Variants in SAMMSON observed in about 807,000 individuals in gnomAD.
SAMMSON encodes long intergenic non-protein coding RNA 1212.
chr3:70,211,210 C>T (rs1439172050), intron 4 of SAMMSON, among the ~76,000 whole-genome samples: 1 of 151,502 alleles, frequency 6.6e-6, no homozygotes, highest in African/African-American at 2.4e-5. Context: ...TTTCCCCCTT[C>T]CTTTCACTTC....
intron 4 of SAMMSON, chr3:70,140,129 C>A: frequency 6.5e-6 from 1 of 154,566 alleles, no homozygotes. Flanking sequence ...TAAAACTTTC[C>A]TCAGCTGATA....
chr3:70,200,277 C>CAGAGATGG (rs1701225010), intron 4 of SAMMSON, among the ~76,000 whole-genome samples: 1 of 152,144 alleles, frequency 6.6e-6, no homozygotes. Context: ...ATTTTTAATT[C>CAGAGATGG]TAAATTTAAA....
intron 4 of SAMMSON, among the ~76,000 whole-genome samples, chr3:70,191,572 A>T (rs1483832858): frequency 1.3e-5 from 2 of 152,242 alleles, no homozygotes; most frequent in African/African-American, 4.8e-5. Flanking sequence ...TTTATTACTT[A>T]TTGGGTACGT....
intron 4 of SAMMSON, among the ~76,000 whole-genome samples, chr3:70,204,045 A>T (rs1701267726): frequency 6.6e-6 from 1 of 152,200 alleles, no homozygotes; most frequent in Non-Finnish European, 1.5e-5. Flanking sequence ...CAGAGCACAC[A>T]CCATGAACTG....
intron 3 of SAMMSON, among the ~76,000 whole-genome samples, chr3:70,050,695 A>G (rs1318355406): frequency 6.6e-6 from 1 of 152,078 alleles, no homozygotes; most frequent in African/African-American, 2.4e-5. Flanking sequence ...CTGAATGATA[A>G]TTCAGTGATC....
chr3:70,290,730 C>A (rs1702228585), intron 6 of SAMMSON, among the ~76,000 whole-genome samples: 1 of 152,146 alleles, frequency 6.6e-6, no homozygotes, highest in Non-Finnish European at 1.5e-5. Flanking sequence ...GGCGTAGGAC[C>A]CTCCGAGCCA....
intron 7 of SAMMSON, among the ~76,000 whole-genome samples, chr3:70,326,044 G>T (rs1055238156): frequency 5.3e-5 from 8 of 152,034 alleles, no homozygotes; most frequent in Non-Finnish European, 1.2e-4. Context: ...TTTTATTTCA[G>T]TCAAAGCCTG....
intron 4 of SAMMSON, chr3:70,205,721 G>A (rs977215962): frequency 2.0e-5 from 3 of 152,050 alleles, no homozygotes; most frequent in Non-Finnish European, 4.4e-5. Flanking sequence ...GTTATTCAAA[G>A]TTTATTTAAT....
chr3:70,000,097 T>G (rs371673706), intron 1 of SAMMSON, among the ~76,000 whole-genome samples: 2 of 152,112 alleles, frequency 1.3e-5, no homozygotes, highest in African/African-American at 2.4e-5. Context: ...GAGGGTCCAA[T>G]TGAGCTAACA....
At chr3:70,335,989 G>A (rs554799208) in intron 7 of SAMMSON, among the ~76,000 whole-genome samples, 51 of 152,038 alleles carry the variant, frequency 3.4e-4, no homozygotes, top group African/African-American at 1.2e-3. Flanking sequence ...ATTTCAGGCT[G>A]AAGTTAGGAA....
At chr3:70,365,969 T>TCAATCCTC (rs373450233) in intron 9 of SAMMSON, among the ~76,000 whole-genome samples, 774 of 71,514 alleles carry the variant, frequency 0.011, 101 homozygotes, top group Middle Eastern at 0.029. Flanking sequence ...CTTTACCTTT[T>TCAATCCTC]CTTTTTTTTT....
intron 4 of SAMMSON, chr3:70,096,013 T>G (rs1433061258): frequency 1.3e-5 from 2 of 152,216 alleles, no homozygotes; most frequent in African/African-American, 4.8e-5. Context: ...GCTTTCTGCC[T>G]CAGGGTCTCT....
At chr3:70,062,792 CAT>C (rs2067195321) in intron 3 of SAMMSON, among the ~76,000 whole-genome samples, 1 of 152,110 alleles carries the variant, frequency 6.6e-6, no homozygotes, top group Admixed American at 6.5e-5. Flanking sequence ...CAGTCGTCCT[CAT>C]GTGTTCATCT....
intron 4 of SAMMSON, among the ~76,000 whole-genome samples, chr3:70,109,864 A>C (rs2067381447): frequency 6.6e-6 from 1 of 152,116 alleles, no homozygotes; most frequent in Non-Finnish European, 1.5e-5. Flanking sequence ...AGGTACCTTC[A>C]TTTGTTTTTA....
At chr3:70,011,050 C>G (rs1559771361) in intron 1 of SAMMSON, among the ~76,000 whole-genome samples, 1 of 152,086 alleles carries the variant, frequency 6.6e-6, no homozygotes, top group Non-Finnish European at 1.5e-5. Flanking sequence ...CAAACTATAT[C>G]AGCCGTATAC....
intron 6 of SAMMSON, among the ~76,000 whole-genome samples, chr3:70,278,962 T>C (rs540905919): frequency 1.6e-4 from 24 of 151,642 alleles, no homozygotes; most frequent in Admixed American, 6.6e-4. Context: ...GTGGTCTGGG[T>C]GGTCAAGGAA....
intron 4 of SAMMSON, among the ~76,000 whole-genome samples, chr3:70,096,662 A>C (rs916594192): frequency 6.6e-6 from 1 of 152,310 alleles, no homozygotes; most frequent in East Asian, 1.9e-4. Context: ...CAAAGGAAGG[A>C]TACTACACAA....
At chr3:70,318,340 A>G (rs1181156873) in intron 7 of SAMMSON, among the ~76,000 whole-genome samples, 1 of 151,916 alleles carries the variant, frequency 6.6e-6, no homozygotes, top group African/African-American at 2.4e-5. Flanking sequence ...TTCAGTTTGA[A>G]TAATTCCTAT....
chr3:70,411,736 G>A (rs1701220947), intron 2 of SAMMSON, among the ~76,000 whole-genome samples: 1 of 152,152 alleles, frequency 6.6e-6, no homozygotes, highest in Non-Finnish European at 1.5e-5. Context: ...TGTCTTGCCA[G>A]CCGCCATTTA....
Sources: gnomAD v4.1 joint callset for allele counts (sites outside exome capture counted in the v4.1 genomes callset) on GRCh38, gnomAD v4.1.1 for gene constraint, MANE v1.5 for transcripts, NCBI Gene and HGNC (gene_info 2026-07-23, HGNC 2026-07-21) for gene names.